The following RORA variants were observed in gnomAD, a reference collection of about 807,000 sequenced individuals.
The protein encoded by RORA is nuclear receptor ROR-alpha.
Under a neutral mutation model 69.5 loss-of-function variants are expected in RORA, and 7 were observed. The ratio of observed to expected loss-of-function variants is 0.10; its 90% CI spans 0.06 to 0.19. The LOEUF (loss-of-function observed/expected upper bound fraction) is 0.19. Ranked by LOEUF, RORA falls within the 10% of genes least tolerant of loss-of-function variation. The probability of loss-of-function intolerance (pLI) is 1.00; values close to 1 mark genes in which losing one functional copy is unlikely to be tolerated. For missense variants in RORA, 457 were observed against 663.0 expected, an observed-to-expected ratio of 0.69 and a Z score of 3.41; for synonymous variants, 261 against 240.8, an observed-to-expected ratio of 1.08 and a Z score of -0.78.
chr15:60,556,955 T>A, intron 2 of RORA: 1 of 1,577,124 alleles, frequency 6.3e-7, no homozygotes, highest in Non-Finnish European at 8.7e-7. Flanking sequence ...AATCCAATGA[T>A]AAAGGACAAA....
chr15:60,741,878 C>T (rs1270875470), intron 1 of RORA, among the ~76,000 whole-genome samples: 1 of 152,182 alleles, frequency 6.6e-6, no homozygotes, highest in Non-Finnish European at 1.5e-5. Flanking sequence ...TCCCCTCACT[C>T]GCCTCAAACC....
At chr15:61,038,862 C>A (rs1319592919) in intron 1 of RORA, 1 of 152,262 alleles carries the variant, frequency 6.6e-6, no homozygotes, top group Non-Finnish European at 1.5e-5. Context: ...AGCTGCACAG[C>A]TAACTGGTGG....
At chr15:60,956,470 C>G (rs1893270889) in intron 1 of RORA, among the ~76,000 whole-genome samples, 1 of 152,130 alleles carries the variant, frequency 6.6e-6, no homozygotes, top group African/African-American at 2.4e-5. Context: ...TAAAAGAAAA[C>G]TGGTCTTTTA....
intron 3 of RORA, among the ~76,000 whole-genome samples, chr15:60,517,577 A>G (rs1595897270): frequency 6.6e-6 from 1 of 152,268 alleles, no homozygotes; most frequent in South Asian, 2.1e-4. Context: ...AGAAAATATA[A>G]ATGGTCACAG....
At chr15:61,118,839 A>G (rs910369259) in intron 1 of RORA, among the ~76,000 whole-genome samples, 4 of 152,114 alleles carry the variant, frequency 2.6e-5, no homozygotes, top group African/African-American at 9.7e-5. Context: ...TGAAACGAGT[A>G]TTTTCTTCAT....
chr15:60,879,763 G>C (rs1237327899), intron 1 of RORA, among the ~76,000 whole-genome samples: 4 of 152,184 alleles, frequency 2.6e-5, no homozygotes, highest in Non-Finnish European at 5.9e-5. Flanking sequence ...TCAGGGTTCT[G>C]GAAATTCCAC....
At chr15:61,151,732 C>G (rs2079399692) in intron 1 of RORA, among the ~76,000 whole-genome samples, 1 of 152,158 alleles carries the variant, frequency 6.6e-6, no homozygotes, top group African/African-American at 2.4e-5. Context: ...GATCTGACCT[C>G]TAATATACTT....
intron 1 of RORA, among the ~76,000 whole-genome samples, chr15:61,060,033 A>G (rs2078159426): frequency 6.9e-6 from 1 of 144,428 alleles, no homozygotes; most frequent in African/African-American, 2.6e-5. Flanking sequence ...AAGAAGAAGA[A>G]GAAGAAGAAG....
intron 1 of RORA, among the ~76,000 whole-genome samples, chr15:60,883,863 T>C (rs2073719743): frequency 6.6e-6 from 1 of 152,216 alleles, no homozygotes; most frequent in Non-Finnish European, 1.5e-5. Flanking sequence ...AACTGAGGGA[T>C]ACCACGATGT....
intron 1 of RORA, among the ~76,000 whole-genome samples, chr15:60,890,068 C>T (rs1248573854): frequency 6.6e-6 from 1 of 152,170 alleles, no homozygotes; most frequent in Non-Finnish European, 1.5e-5. Flanking sequence ...TTCTCGGAGT[C>T]TATCTTTCCA....
intron 1 of RORA, among the ~76,000 whole-genome samples, chr15:61,133,495 A>C (rs1287856727): frequency 1.3e-5 from 2 of 152,216 alleles, no homozygotes; most frequent in Non-Finnish European, 2.9e-5. Flanking sequence ...TATGAGGATA[A>C]AGAAACCCGG....
At chr15:60,519,723 A>G (rs777953466) in intron 3 of RORA, among the ~76,000 whole-genome samples, 5 of 152,302 alleles carry the variant, frequency 3.3e-5, no homozygotes, top group Non-Finnish European at 7.4e-5. Flanking sequence ...ATTAGGAGTC[A>G]CATAAGAAAA....
Position 60,511,694 on chromosome 15 carries a change from G to T in RORA, c.425-73C>A. The T allele has an allele frequency of 2.0e-6, 3 of 1,463,610 alleles. No individual in the cohort carries two copies. The Admixed American group carries it at 7.5e-5, about 37-fold the overall frequency. 90.7% of individuals were successfully genotyped at this position (1,463,610 alleles called of 1,614,324 possible). A position where few individuals can be genotyped will look rare whatever the true frequency, so the allele number is the denominator to read the frequency against. ...AATATTCTCTCCTGCGAGCTTTGGG[G>T]TTTCCTTTGAAGTCTCACACAATCT... On this transcript the variant is annotated intron_variant, in intron 4 of 10. Coordinates refer to ENST00000335670, the MANE Select transcript of RORA (RefSeq NM_134261.3). This position sits in a 1 kb window ranked among gnomAD's most constrained non-coding sequence, Gnocchi z 6.4.
At chr15:60,523,024 C>T (rs549664448) in intron 3 of RORA, among the ~76,000 whole-genome samples, 71 of 118,096 alleles carry the variant, frequency 6.0e-4, no homozygotes, top group Non-Finnish European at 1.2e-3. Context: ...GGCAACAGGG[C>T]GAGACTCTGC....
chr15:60,603,281 G>C (rs2068863094), intron 2 of RORA, among the ~76,000 whole-genome samples: 1 of 152,166 alleles, frequency 6.6e-6, no homozygotes, highest in Admixed American at 6.5e-5. Flanking sequence ...TAAATACCTA[G>C]GAATGGGACT....
intron 1 of RORA, among the ~76,000 whole-genome samples, chr15:60,855,917 G>A (rs764340474): frequency 1.3e-4 from 20 of 152,078 alleles, no homozygotes; most frequent in Non-Finnish European, 2.6e-4. Flanking sequence ...ACCCAGCCCT[G>A]TTTGCTTATT....
At chr15:60,580,292 G>A (rs2068154780) in intron 2 of RORA, among the ~76,000 whole-genome samples, 1 of 152,140 alleles carries the variant, frequency 6.6e-6, no homozygotes, top group African/African-American at 2.4e-5. Flanking sequence ...CACCTGTTAA[G>A]TAATGCACAC....
intron 1 of RORA, among the ~76,000 whole-genome samples, chr15:60,720,549 G>C (rs1025265939): frequency 6.6e-6 from 1 of 152,156 alleles, no homozygotes; most frequent in Non-Finnish European, 1.5e-5. Context: ...CTCAGTATTT[G>C]TGTGTAAATA....
Position 61,229,043 on chromosome 15 carries a change from A to T in RORA, c.166+10T>A, listed in dbSNP as rs958061960. 2.9e-5 allele frequency: 44 copies of T among 1,492,978 alleles called. No homozygotes were observed. Among genetic ancestry groups the T allele is most frequent in the Non-Finnish European group, 3.8e-5 (43 of 1,118,766 alleles). 92.5% of individuals were successfully genotyped at this position (1,492,978 alleles called of 1,614,324 possible). A position where few individuals can be genotyped will look rare whatever the true frequency, so the allele number is the denominator to read the frequency against. On this transcript the variant is annotated intron_variant, in intron 1 of 10. Coordinates refer to ENST00000335670, the MANE Select transcript of RORA (RefSeq NM_134261.3). ...GCCGCCCCCTCCCCAGCCCCTCTCC[A>T]GCCTCCTACCTCTGCTGGTGCTGGA...
Sources: gnomAD v4.1 joint callset for allele counts (sites outside exome capture counted in the v4.1 genomes callset) on GRCh38, gnomAD v4.1.1 for gene constraint, Gnocchi (gnomAD v3.1) non-coding constraint, MANE v1.5 for transcripts, NCBI Gene and HGNC (gene_info 2026-07-23, HGNC 2026-07-21) for gene names.